Variants in AASS observed in about 807,000 individuals in gnomAD.
AASS encodes the protein aminoadipate-semialdehyde synthase.
In AASS, 86 loss-of-function variants were observed where a neutral mutation model predicts 105.4. The ratio of observed to expected loss-of-function variants is 0.82; its 90% CI spans 0.69 to 0.98. The LOEUF (loss-of-function observed/expected upper bound fraction) is 0.98, where lower values mean the gene tolerates loss of function less well. Ranked by LOEUF, AASS falls within the 50% of genes least tolerant of loss-of-function variation. The pLI is 0.00. For synonymous variants in AASS, 381 were observed against 394.8 expected (o/e 0.96, Z 0.41); for missense variants, 1,048 against 1,143.2 (o/e 0.92, Z 1.20).
At position 122,116,554 on chromosome 7, in the gene AASS, T is replaced by C. The variant is rs1795186182; in HGVS notation, c.894+79A>G. The stretch of plus-strand genomic sequence containing the variant: ...GGAAAACTGAAAGCCATTGTACAAT[T>C]CATAATTTCTCTCCTTGAAAATAGC... On this transcript the variant is annotated intron_variant, in intron 8 of 23. Coordinates refer to ENST00000417368, the MANE Select transcript of AASS (RefSeq NM_005763.4). The C allele has an allele frequency of 1.2e-5, 19 of 1,575,348 alleles. No individual in the cohort carries two copies. In the South Asian group the frequency reaches 1.8e-4, roughly 15 times the overall value.
At chr7:122,141,271 A>C (rs1232160450) in intron 1 of AASS, among the ~76,000 whole-genome samples, 1 of 152,248 alleles carries the variant, frequency 6.6e-6, no homozygotes, top group African/African-American at 2.4e-5. Context: ...ATCTGGTCTG[A>C]GAATTTTCAT....
intron 19 of AASS, chr7:122,082,728 TA>T: frequency 1.1e-6 from 1 of 883,480 alleles, no homozygotes; most frequent in South Asian, 1.4e-5. Context: ...AGTATTATAT[TA>T]ATAGGTGCTA....
intron 3 of AASS, among the ~76,000 whole-genome samples, chr7:122,128,732 CA>C (rs1371193130): frequency 1.5e-4 from 23 of 152,190 alleles, no homozygotes; most frequent in African/African-American, 5.5e-4. Context: ...TAGTTTTTTT[CA>C]TAGTATTTCT....
Position 122,128,503 on chromosome 7 carries a change from T to C in AASS, c.387+858A>G, listed in dbSNP as rs1052119202. Among the ~76,000 whole-genome samples, 7 of 152,138 alleles carry C rather than the reference T, an allele frequency of 4.6e-5. No individual in the cohort carries two copies. The East Asian group carries it at 1.3e-3, about 29-fold the overall frequency. On this transcript the variant is annotated intron_variant, in intron 3 of 23. Coordinates refer to ENST00000417368, the MANE Select transcript of AASS (RefSeq NM_005763.4). ...ACCTCCCAGTGCCCAGGACTCCTTT[T>C]CTCCTTCAATATTATATTTATCTTC...
At chr7:122,141,694 T>A in intron 1 of AASS, among the ~76,000 whole-genome samples, 1 of 142,164 alleles carries the variant, frequency 7.0e-6, no homozygotes, top group East Asian at 2.1e-4. Context: ...AACTTGATTC[T>A]CTTCCAAGAT....
intron 1 of AASS, among the ~76,000 whole-genome samples, chr7:122,137,858 G>A (rs1320951675): frequency 1.3e-5 from 2 of 152,196 alleles, no homozygotes; most frequent in African/African-American, 4.8e-5. Flanking sequence ...GGGAAGATCA[G>A]GGTTTACTCA....
At chr7:122,078,621 A>C (rs1793152152) in intron 22 of AASS, among the ~76,000 whole-genome samples, 1 of 152,138 alleles carries the variant, frequency 6.6e-6, no homozygotes, top group Non-Finnish European at 1.5e-5. Flanking sequence ...AAAAATAACT[A>C]ACTAACTAAC....
At chr7:122,079,297 C>G in intron 21 of AASS, 1 of 1,345,654 alleles carries the variant, frequency 7.4e-7, no homozygotes, top group Non-Finnish European at 9.6e-7. Context: ...AGAATGTTTT[C>G]ATGTAATATT....
At chr7:122,104,191 C>G (rs1018868285) in intron 11 of AASS, among the ~76,000 whole-genome samples, 12 of 151,974 alleles carry the variant, frequency 7.9e-5, no homozygotes, top group Non-Finnish European at 1.6e-4. Flanking sequence ...AAACAAAGCT[C>G]TACTATTCAC....
chr7:122,081,101 G>T (rs1004717150), intron 20 of AASS, among the ~76,000 whole-genome samples: 5 of 152,200 alleles, frequency 3.3e-5, no homozygotes, highest in African/African-American at 1.2e-4. Flanking sequence ...GTACTGACAA[G>T]ATTTGGAGGT....
chr7:122,140,562 A>G (rs1796348190), intron 1 of AASS, among the ~76,000 whole-genome samples: 1 of 149,048 alleles, frequency 6.7e-6, no homozygotes, highest in South Asian at 2.1e-4. Flanking sequence ...TGGGATATGT[A>G]TGAAGGATCA....
At chr7:122,131,482 T>C (rs1795914634) in intron 2 of AASS, among the ~76,000 whole-genome samples, 1 of 152,002 alleles carries the variant, frequency 6.6e-6, no homozygotes, top group Non-Finnish European at 1.5e-5. Flanking sequence ...TTAAGATTTT[T>C]ACTGTTGGAG....
chr7:122,087,561 T>C (rs1793687038), intron 18 of AASS, among the ~76,000 whole-genome samples: 1 of 152,076 alleles, frequency 6.6e-6, no homozygotes, highest in African/African-American at 2.4e-5. Flanking sequence ...TTTGAAAAAA[T>C]CTAAGAAAGC....
chr7:122,089,640 T>C (rs1793801236), intron 18 of AASS, among the ~76,000 whole-genome samples: 4 of 152,160 alleles, frequency 2.6e-5, no homozygotes. Context: ...TTAGGCAGAT[T>C]GCAATCTATG....
At chr7:122,139,421 T>C (rs1197661963) in intron 1 of AASS, among the ~76,000 whole-genome samples, 2 of 152,092 alleles carry the variant, frequency 1.3e-5, no homozygotes, top group African/African-American at 4.8e-5. Flanking sequence ...AATATTAGAG[T>C]CAAAGTGGGA....
intron 1 of AASS, among the ~76,000 whole-genome samples, chr7:122,138,271 G>A (rs1343795525): frequency 6.6e-6 from 1 of 152,168 alleles, no homozygotes; most frequent in Non-Finnish European, 1.5e-5. Context: ...CTGTTTATCT[G>A]TGGGTAATAC....
chr7:122,113,899 C>T (rs555232881), intron 9 of AASS, among the ~76,000 whole-genome samples, 179 bp from the exon 10 acceptor site: 79 of 140,530 alleles, frequency 5.6e-4, no homozygotes, highest in Non-Finnish European at 9.9e-4. Flanking sequence ...TACAGAGAAT[C>T]TTCCCAGTAT....
intron 23 of AASS, among the ~76,000 whole-genome samples, 199 bp downstream of exon 23, chr7:122,077,639 A>G (rs1198427748): frequency 3.3e-5 from 5 of 152,198 alleles, no homozygotes; most frequent in African/African-American, 1.2e-4. Context: ...CGGAAGCGGA[A>G]GTCAGGTCTA....
chr7:122,079,147 A>T, intron 21 of AASS, 197 bp from the exon 22 acceptor site: 3 of 1,471,630 alleles, frequency 2.0e-6, no homozygotes, highest in Non-Finnish European at 2.7e-6. Context: ...CTCCAGACTC[A>T]CCCAGGCACT....
Sources: allele counts gnomAD v4.1 joint callset (sites outside exome capture counted in the v4.1 genomes callset), GRCh38; gene constraint gnomAD v4.1.1; transcripts MANE v1.5; gene names NCBI Gene and HGNC (gene_info 2026-07-23, HGNC 2026-07-21).